Variants in TBC1D2B observed in about 807,000 individuals in gnomAD.
TBC1D2B encodes TBC1 domain family, member 2B.
In TBC1D2B, 64 loss-of-function variants were observed where a neutral mutation model predicts 100.8. That is an observed-to-expected ratio of 0.64 (90% CI 0.52 to 0.78). TBC1D2B has a LOEUF of 0.78. Ranked by LOEUF, TBC1D2B falls within the 30% of genes least tolerant of loss-of-function variation. The pLI is 0.00. For missense variants in TBC1D2B, 1,052 were observed against 1,218.4 expected (o/e 0.86, Z 2.03); for synonymous variants, 480 against 479.7 (o/e 1.00, Z -0.01).
intron 1 of TBC1D2B, 142 bp downstream of exon 1, chr15:78,077,151 T>G: frequency 2.7e-6 from 3 of 1,129,884 alleles, no homozygotes; most frequent in Non-Finnish European, 3.5e-6. Context: ...GAGGGCGGGA[T>G]GTGGAGAAGC....
chr15:78,068,356 C>T (rs2073691292), intron 1 of TBC1D2B, among the ~76,000 whole-genome samples: 1 of 146,000 alleles, frequency 6.8e-6, no homozygotes, highest in Admixed American at 6.9e-5. Context: ...TCCGTTTCAC[C>T]ATGAAATGAA....
rs2072273823 is a variant in TBC1D2B at position 78,013,032 on chromosome 15, A to T, written c.2061T>A (p.Thr687=). The part of the protein sequence containing the change: ...DRHTRKFKDN[T]EPGHFQTLLQ... Reference sequence around the variant, plus strand: ...GCAAGGTCTGGAAGTGGCCAGGCTCAGTGTTGTCCTTGAACTTCCTGGTGT... The same window carrying T: ...GCAAGGTCTGGAAGTGGCCAGGCTCTGTGTTGTCCTTGAACTTCCTGGTGT... Residue 687 remains threonine, a synonymous_variant, in exon 9 of 13, where the codon ACT becomes ACA. Transcript: ENST00000300584. 2 of 1,613,286 alleles carry T rather than the reference A, an allele frequency of 1.2e-6. No individual in the cohort carries two copies. The highest frequency in any genetic ancestry group is 1.3e-5 in the African/African-American group (1 of 74,940).
rs562133145 is a variant in TBC1D2B, at chr15:78,029,650, T to C, written c.847+357A>G. Among the ~76,000 whole-genome samples the C allele has an allele frequency of 9.8e-5, 15 of 152,328 alleles. No homozygotes were observed. In the South Asian group the frequency reaches 2.3e-3, roughly 23 times the overall value. The stretch of plus-strand genomic sequence containing the variant: ...GGAAGAAGAGAGACCATAGTTCACA[T>C]TGTAGAAGCTGGATGATGTGTGTAC... On this transcript the variant is annotated intron_variant, in intron 4 of 12. Transcript: ENST00000300584.
chr15:78,021,673 G>A (rs745890835), intron 6 of TBC1D2B, among the ~76,000 whole-genome samples: 5 of 152,166 alleles, frequency 3.3e-5, no homozygotes, highest in South Asian at 2.1e-4. Context: ...CCTCTTCATC[G>A]TCTGTCGCCA....
At position 78,012,972 on chromosome 15, in the gene TBC1D2B, G is replaced by A; in HGVS notation, c.2121C>T (p.Ser707=). 6.3e-7 allele frequency: 1 copy of A among 1,589,594 alleles called. No individual in the cohort carries two copies. Among genetic ancestry groups the A allele is most frequent in the South Asian group, 1.1e-5 (1 of 88,256 alleles). The change falls in exon 9 of 13, where the codon TCC becomes TCT. Residue 707 remains serine, a synonymous_variant. Coordinates refer to ENST00000300584, the MANE Select transcript of TBC1D2B (RefSeq NM_144572.2). The part of the protein sequence containing the change: ...QKALEKQNPA[S]KQIELDLLRT... ...GCAGCAAGTCCAGCTCAATCTGCTT[G>A]GAGGCTGGGTTCTGTTTCTCCAGCG... is the stretch of plus-strand genomic sequence containing the variant.
intron 3 of TBC1D2B, among the ~76,000 whole-genome samples, chr15:78,033,478 A>G (rs975184659): frequency 5.9e-5 from 9 of 152,238 alleles, no homozygotes; most frequent in Admixed American, 2.0e-4. Flanking sequence ...AAAGCGGATC[A>G]GAGGTTGCCC....
At chr15:78,041,571 A>G (rs1416143879) in intron 3 of TBC1D2B, among the ~76,000 whole-genome samples, 1 of 152,266 alleles carries the variant, frequency 6.6e-6, no homozygotes. Flanking sequence ...TTTTGAGTGC[A>G]TTAAAAAATA....
intron 3 of TBC1D2B, among the ~76,000 whole-genome samples, chr15:78,037,787 G>A (rs1224909665): frequency 6.6e-6 from 1 of 152,200 alleles, no homozygotes; most frequent in Admixed American, 6.5e-5. Flanking sequence ...TATTAGAAGA[G>A]AAAATACTAC....
At chr15:78,016,193 C>T (rs940427664) in intron 8 of TBC1D2B, among the ~76,000 whole-genome samples, 4 of 152,114 alleles carry the variant, frequency 2.6e-5, no homozygotes, top group Non-Finnish European at 4.4e-5. Flanking sequence ...CAGTTCCCCA[C>T]TTAAGGGTCC....
chr15:78,024,059 T>C, intron 6 of TBC1D2B, 97 bp downstream of exon 6: 1 of 1,437,834 alleles, frequency 7.0e-7, no homozygotes, highest in Admixed American at 2.6e-5. Flanking sequence ...GTGCAGCTGT[T>C]CTGCCGTCAC....
rs1157162104 is a variant in TBC1D2B at position 78,059,686 on chromosome 15, G to A, written c.361-5499C>T. Among the ~76,000 whole-genome samples, 4 of 152,218 alleles carry A rather than the reference G, an allele frequency of 2.6e-5. No individual in the cohort carries two copies. In the East Asian group the frequency reaches 7.7e-4, roughly 29 times the overall value. On this transcript the variant is annotated intron_variant, in intron 1 of 12. Transcript: ENST00000300584. ...ACAAGCTGCTGTCCCCAGGTCTCCA[G>A]TAGCTCAAAACCCAGAAGCCCACTC...
intron 1 of TBC1D2B, among the ~76,000 whole-genome samples, chr15:78,059,000 G>A (rs367706133): frequency 6.6e-6 from 1 of 152,204 alleles, no homozygotes; most frequent in African/African-American, 2.4e-5. Context: ...CCTCTTCAGA[G>A]CAGGTTTCCC....
intron 2 of TBC1D2B, among the ~76,000 whole-genome samples, chr15:78,048,115 A>G (rs753618309): frequency 4.6e-5 from 7 of 152,210 alleles, no homozygotes; most frequent in Non-Finnish European, 7.3e-5. Flanking sequence ...AGCAACCCAC[A>G]GCCCATACTG....
intron 8 of TBC1D2B, among the ~76,000 whole-genome samples, chr15:78,016,201 T>C (rs1199759234): frequency 6.6e-6 from 1 of 152,068 alleles, no homozygotes; most frequent in African/African-American, 2.4e-5. Context: ...CACTTAAGGG[T>C]CCCTTTGTTT....
chr15:77,999,689 C>T lies in TBC1D2B; in HGVS notation c.2697-1334G>A, dbSNP rs1484209006. On this transcript the variant is annotated intron_variant, in intron 12 of 12. Transcript: ENST00000300584. The stretch of plus-strand genomic sequence containing the variant: ...ACAGCCCCCACAAACCCCAAACCTA[C>T]GGCGCCCAACCCTCCTGTGCTGCAG... 5.9e-5 allele frequency among the ~76,000 whole-genome samples: 9 copies of T among 152,328 alleles called. No homozygotes were observed. The Middle Eastern group carries it at 0.01, about 173-fold the overall frequency.
intron 1 of TBC1D2B, among the ~76,000 whole-genome samples, chr15:78,065,162 C>A (rs769300724): frequency 3.9e-5 from 6 of 152,160 alleles, no homozygotes; most frequent in Non-Finnish European, 8.8e-5. Flanking sequence ...CACTCAAGCA[C>A]CCCTTTTAAA....
rs1402998536 is a variant in TBC1D2B at position 78,054,190 on chromosome 15, A to G, written c.361-3T>C. On this transcript the variant is annotated splice_region_variant and splice_polypyrimidine_tract_variant and intron_variant, in intron 1 of 12. Coordinates refer to ENST00000300584, the MANE Select transcript of TBC1D2B (RefSeq NM_144572.2). The stretch of plus-strand genomic sequence containing the variant: ...GTCATGAGTTGACGATTGGGAGCCT[A>G]GAAAGAGGGAGGGGAAAAACATGTT... 1 of 1,608,710 alleles carries G rather than the reference A, an allele frequency of 6.2e-7. No individual in the cohort carries two copies. Among genetic ancestry groups the G allele is most frequent in the Non-Finnish European group, 8.5e-7 (1 of 1,178,218 alleles).
At chr15:78,066,944 A>C (rs986173615) in intron 1 of TBC1D2B, among the ~76,000 whole-genome samples, 8 of 152,220 alleles carry the variant, frequency 5.3e-5, no homozygotes, top group Admixed American at 1.3e-4. Flanking sequence ...CTATGCTGTT[A>C]ATTTCCAACC....
chr15:78,024,161 G>C lies in TBC1D2B; in HGVS notation c.1465C>G (p.Leu489Val), dbSNP rs577671416. The C allele has an allele frequency of 6.2e-7, 1 of 1,610,686 alleles. No homozygotes were observed. Among genetic ancestry groups the C allele is most frequent in the Non-Finnish European group, 8.5e-7 (1 of 1,178,360 alleles). ...AGCCCCTGCCCCACTCTTACTTTCA[G>C]CCTGTCCAGTTCCAGCTGGTCCCTG... ...VARDQLELDR[L>V]KDNLQGYKTQ... The change falls in exon 6 of 13, where the codon CTG becomes GTG. Residue 489 changes from leucine (L) to valine (V), a missense_variant. Leu to Val is a conservative substitution (Grantham distance 32, BLOSUM62 1). Transcript: ENST00000300584.
Sources: gnomAD v4.1 joint callset for allele counts (sites outside exome capture counted in the v4.1 genomes callset) on GRCh38, gnomAD v4.1.1 for gene constraint, MANE v1.5 for transcripts, NCBI Gene and HGNC (gene_info 2026-07-23, HGNC 2026-07-21) for gene names.